The following ARHGAP25 variants were observed in gnomAD, a reference collection of about 807,000 sequenced individuals.
ARHGAP25 encodes the protein Rho GTPase activating protein 25.
Under a neutral mutation model 71.0 loss-of-function variants are expected in ARHGAP25, and 34 were observed. The observed-to-expected ratio is 0.48, with a 90% CI of 0.36 to 0.64. The LOEUF is 0.64. ARHGAP25 is among the 30% of genes least tolerant of loss of function. The pLI is 0.00. For synonymous variants in ARHGAP25, 282 were observed against 296.5 expected (o/e 0.95, Z 0.50); for missense variants, 706 against 805.1 (o/e 0.88, Z 1.49).
intron 1 of ARHGAP25, chr2:68,774,889 T>C: frequency 7.5e-7 from 1 of 1,337,742 alleles, no homozygotes; most frequent in Non-Finnish European, 9.6e-7. Flanking sequence ...TTTTGTCAGA[T>C]GCTGTGGCCA....
intron 4 of ARHGAP25, among the ~76,000 whole-genome samples, chr2:68,795,901 G>A (rs1679504974): frequency 6.6e-6 from 1 of 152,110 alleles, no homozygotes; most frequent in South Asian, 2.1e-4. Flanking sequence ...CTCTTTTTTA[G>A]TTTTAGGTCA....
chr2:68,789,984 A>G (rs1679048604), intron 4 of ARHGAP25, among the ~76,000 whole-genome samples: 1 of 147,814 alleles, frequency 6.8e-6, no homozygotes, highest in Non-Finnish European at 1.5e-5. Flanking sequence ...AGCATCTCAG[A>G]TTATTATTAT....
Position 68,787,835 on chromosome 2 carries a change from T to C in ARHGAP25, c.350-5T>C, listed in dbSNP as rs921447470. ...GACCTTCACAAGTGCTAATTCTTCC[T>C]CCAGCCTCATGGGACCAGAATCGCA... On this transcript the variant is annotated splice_polypyrimidine_tract_variant and splice_region_variant and intron_variant, in intron 3 of 10. Transcript: ENST00000409202. 2.5e-6 allele frequency: 4 copies of C among 1,613,286 alleles called. No individual in the cohort carries two copies. The highest frequency in any genetic ancestry group is 3.4e-6 in the Non-Finnish European group (4 of 1,179,338).
chr2:68,813,361 G>A lies in ARHGAP25; in HGVS notation c.749G>A (p.Trp250Ter). The stretch of plus-strand genomic sequence containing the variant: ...GACCTCCCAGAGCCCGTGGTTCCCT[G>A]GAGCCAGTACGAAGGGTTCCTGCTC... ...LRDLPEPVVPWSQYEGFLLCG... is the reference protein window; with the variant it reads ...LRDLPEPVVP The change falls in exon 6 of 11, where the codon TGG (tryptophan) becomes TAG (stop). Residue 250 changes from tryptophan (W) to a stop codon, truncating the protein, a stop_gained. Coordinates refer to ENST00000409202, the MANE Select transcript of ARHGAP25 (RefSeq NM_001007231.3). LOFTEE classifies it high-confidence loss of function. 2 of 1,613,752 alleles carry A rather than the reference G, an allele frequency of 1.2e-6. No individual in the cohort carries two copies. The highest frequency in any genetic ancestry group is 1.7e-6 in the Non-Finnish European group (2 of 1,179,918).
At chr2:68,718,558 G>A (rs143006221) in intron 2 of ARHGAP25, among the ~76,000 whole-genome samples, 1 of 150,460 alleles carries the variant, frequency 6.6e-6, no homozygotes, top group African/African-American at 2.4e-5. Context: ...TGTATGTATA[G>A]ATAGATAAAT....
chr2:68,762,309 G>T (rs972491226), intron 1 of ARHGAP25, among the ~76,000 whole-genome samples: 5 of 152,148 alleles, frequency 3.3e-5, no homozygotes, highest in Admixed American at 2.0e-4. Context: ...AAAATGGATG[G>T]TGATGGTTGT....
Position 68,772,507 on chromosome 2 carries a change from T to C in ARHGAP25, c.62-2714T>C, listed in dbSNP as rs1677553413. 2.0e-5 allele frequency among the ~76,000 whole-genome samples: 3 copies of C among 152,276 alleles called. No individual in the cohort carries two copies. The South Asian group carries it at 6.2e-4, about 31-fold the overall frequency. The stretch of plus-strand genomic sequence containing the variant: ...CTACTGAAGTGGGGGAGAATGCCTC[T>C]GCATCTGCTGGAATGCCTCACTCTT... On this transcript the variant is annotated intron_variant, in intron 1 of 10. Transcript: ENST00000409202.
Position 68,787,901 on chromosome 2 carries a change from G to T in ARHGAP25, c.411G>T (p.Ala137=). The T allele has an allele frequency of 6.2e-7, 1 of 1,614,218 alleles. No individual in the cohort carries two copies. Among genetic ancestry groups the T allele is most frequent in the Non-Finnish European group, 8.5e-7 (1 of 1,180,040 alleles). ...ATGTCCTCATGGCCAGCTCTCAGGC[G>T]GAGATGGAGGAGTGGGTTAAATTCC... ...DSYVLMASSQ[A]EMEEWVKFLR... The change falls in exon 4 of 11, where the codon GCG becomes GCT. Residue 137 remains alanine, a synonymous_variant. Transcript: ENST00000409202.
At chr2:68,821,092 CTTTTTTT>C (rs34119311) in intron 9 of ARHGAP25, among the ~76,000 whole-genome samples, 23 of 99,434 alleles carry the variant, frequency 2.3e-4, no homozygotes, top group Admixed American at 1.3e-3. Flanking sequence ...CTTTTTCTTT[CTTTTTTT>C]TTTTTTTTTT....
chr2:68,782,081 AG>A, intron 2 of ARHGAP25, 151 bp from the exon 3 acceptor site: 1 of 616,674 alleles, frequency 1.6e-6, no homozygotes. Context: ...GAGTAGCAGA[AG>A]GGGCCCCATT....
intron 1 of ARHGAP25, chr2:68,757,549 G>A (rs577454683): frequency 3.3e-5 from 5 of 151,992 alleles, no homozygotes; most frequent in Non-Finnish European, 4.4e-5. Context: ...AATTTTATAC[G>A]CAGAAAAAAT....
At chr2:68,819,367 C>T (rs1370480093) in intron 9 of ARHGAP25, 48 bp downstream of exon 9, 1 of 1,595,752 alleles carries the variant, frequency 6.3e-7, no homozygotes, top group East Asian at 2.2e-5. Flanking sequence ...TTCCTTTAGT[C>T]CAGGCCATCC....
At chr2:68,789,030 C>G (rs926875724) in intron 4 of ARHGAP25, among the ~76,000 whole-genome samples, 1 of 151,410 alleles carries the variant, frequency 6.6e-6, no homozygotes, top group Non-Finnish European at 1.5e-5. Context: ...GCTATGGAAT[C>G]TTTTTCTTTT....
chr2:68,808,855 A>T (rs1361233412), intron 5 of ARHGAP25, among the ~76,000 whole-genome samples: 1 of 152,214 alleles, frequency 6.6e-6, no homozygotes, highest in African/African-American at 2.4e-5. Flanking sequence ...TAGCCTATGC[A>T]CTATGGAGTT....
Position 68,816,363 on chromosome 2 carries a change from G to A in ARHGAP25, c.881+1G>A. ...ATAGTCTCCTGAGCTACATCTGCAG[G>A]TGAGAGGCCCCTGGTATCAACTCTG... On this transcript the variant is annotated splice_donor_variant, in intron 7 of 10. Transcript: ENST00000409202. LOFTEE classifies it high-confidence loss of function. 6.2e-7 allele frequency: 1 copy of A among 1,610,662 alleles called. No individual in the cohort carries two copies.
At chr2:68,753,518 A>G (rs990171604) in intron 1 of ARHGAP25, among the ~76,000 whole-genome samples, 2 of 152,192 alleles carry the variant, frequency 1.3e-5, no homozygotes, top group Non-Finnish European at 1.5e-5. Flanking sequence ...TCTTCACAGG[A>G]AGTTGAAGCA....
intron 9 of ARHGAP25, 184 bp downstream of exon 9, chr2:68,819,503 TA>T: frequency 1.4e-6 from 1 of 727,570 alleles, no homozygotes; most frequent in South Asian, 1.5e-5. Context: ...ATCTAGTTTC[TA>T]TTGGCATCTT....
upstream of ARHGAP25, among the ~76,000 whole-genome samples, chr2:68,730,563 T>C (rs983270841): frequency 6.6e-6 from 1 of 151,718 alleles, no homozygotes; most frequent in Non-Finnish European, 1.5e-5. Flanking sequence ...GGCGTGAGGA[T>C]TGCTTAAGCC....
At chr2:68,785,490 A>G (rs1179911881) in intron 3 of ARHGAP25, among the ~76,000 whole-genome samples, 3 of 152,128 alleles carry the variant, frequency 2.0e-5, no homozygotes, top group Non-Finnish European at 4.4e-5. Context: ...TGGCCTAAAC[A>G]ATGGAAAAGA....
Sources: gnomAD v4.1 joint callset for allele counts (sites outside exome capture counted in the v4.1 genomes callset) on GRCh38, gnomAD v4.1.1 for gene constraint, MANE v1.5 for transcripts, NCBI Gene and HGNC (gene_info 2026-07-23, HGNC 2026-07-21) for gene names.